KHDRBS3: variants seen among roughly 807,000 people sequenced by gnomAD.
The protein encoded by KHDRBS3 is KH RNA binding domain containing, signal transduction associated 3.
KHDRBS3 carries 23 observed loss-of-function variants against 45.6 expected under a neutral mutation model. The ratio of observed to expected loss-of-function variants is 0.50; its 90% CI spans 0.36 to 0.72. KHDRBS3 has a LOEUF of 0.72. Among genes scored for constraint, KHDRBS3 ranks in the 30% least tolerant of loss-of-function variants. The pLI, the probability that KHDRBS3 is intolerant of heterozygous loss-of-function variation, is 0.00. For synonymous variants in KHDRBS3, 162 were observed against 156.5 expected (o/e 1.04, Z -0.26); for missense variants, 352 against 424.8 (o/e 0.83, Z 1.51).
intron 1 of KHDRBS3, among the ~76,000 whole-genome samples, chr8:135,504,298 G>T (rs72732356): frequency 2.6e-4 from 39 of 152,296 alleles, no homozygotes; most frequent in Non-Finnish European, 5.0e-4. Flanking sequence ...GAGTGCCAAA[G>T]CAAAAACAGG....
chr8:135,542,412 A>G (rs1826088625), intron 2 of KHDRBS3: 9 of 414,346 alleles, frequency 2.2e-5, no homozygotes, highest in Admixed American at 4.1e-5. Context: ...CTTCATTCAC[A>G]GTTGTGGAAT....
rs1422083582 is a variant in KHDRBS3 at position 135,482,706 on chromosome 8, G to A, written c.88+24752G>A. On this transcript the variant is annotated intron_variant, in intron 1 of 8. Coordinates refer to ENST00000355849, the MANE Select transcript of KHDRBS3 (RefSeq NM_006558.3). Reference sequence around the variant, plus strand: ...CATTGTTTGGACAAGGGGTCTGATAGAATGGATATAAAATGGGCTCTGCAG... The same window carrying A: ...CATTGTTTGGACAAGGGGTCTGATAAAATGGATATAAAATGGGCTCTGCAG... Among the ~76,000 whole-genome samples, 3 of 152,150 alleles carry A rather than the reference G, an allele frequency of 2.0e-5. No individual in the cohort carries two copies. The East Asian group carries it at 5.8e-4, about 29-fold the overall frequency.
intron 1 of KHDRBS3, among the ~76,000 whole-genome samples, chr8:135,480,548 G>C (rs561162285): frequency 6.6e-6 from 1 of 152,200 alleles, no homozygotes; most frequent in South Asian, 2.1e-4. Context: ...GTAGAACCCT[G>C]TGTAAGTACC....
intron 7 of KHDRBS3, among the ~76,000 whole-genome samples, chr8:135,636,105 T>G (rs1754474401): frequency 6.6e-6 from 1 of 152,180 alleles, no homozygotes; most frequent in East Asian, 1.9e-4. Context: ...CAAGTCTGAG[T>G]AAGCCTAGTT....
intron 7 of KHDRBS3, among the ~76,000 whole-genome samples, chr8:135,634,620 G>T (rs1476213403): frequency 6.6e-6 from 1 of 152,146 alleles, no homozygotes; most frequent in African/African-American, 2.4e-5. Flanking sequence ...GGGAACTGAA[G>T]CTATTCCCAT....
chr8:135,484,467 T>C (rs1276844971), intron 1 of KHDRBS3, among the ~76,000 whole-genome samples: 1 of 152,250 alleles, frequency 6.6e-6, no homozygotes, highest in Non-Finnish European at 1.5e-5. Context: ...TTACAGAGCT[T>C]GCCTCCTGAG....
intron 1 of KHDRBS3, among the ~76,000 whole-genome samples, chr8:135,511,207 G>A (rs1294725796): frequency 6.6e-6 from 1 of 152,226 alleles, no homozygotes; most frequent in South Asian, 2.1e-4. Context: ...CTCTAGCTTA[G>A]TCACTGGATG....
chr8:135,467,027 G>A (rs1232796460), intron 1 of KHDRBS3, among the ~76,000 whole-genome samples: 1 of 152,162 alleles, frequency 6.6e-6, no homozygotes, highest in African/African-American at 2.4e-5. Flanking sequence ...TGCTTGAGGT[G>A]AGGGATACCC....
chr8:135,640,420 G>T (rs986003506), intron 7 of KHDRBS3, among the ~76,000 whole-genome samples: 1 of 152,070 alleles, frequency 6.6e-6, no homozygotes, highest in South Asian at 2.1e-4. Context: ...CCTTGCTCAG[G>T]GTTTGTGGTC....
chr8:135,512,050 G>A (rs1368280044), intron 1 of KHDRBS3, among the ~76,000 whole-genome samples: 1 of 152,148 alleles, frequency 6.6e-6, no homozygotes. Context: ...GGCACTGTAT[G>A]AATCAATCTA....
chr8:135,518,273 A>G (rs1288271500), intron 1 of KHDRBS3, among the ~76,000 whole-genome samples: 5 of 152,044 alleles, frequency 3.3e-5, no homozygotes, highest in Non-Finnish European at 5.9e-5. Context: ...TCCCGTGTTC[A>G]TGCCATTCTC....
chr8:135,518,088 C>T (rs767074533), intron 1 of KHDRBS3, among the ~76,000 whole-genome samples: 19 of 152,106 alleles, frequency 1.2e-4, no homozygotes, highest in South Asian at 2.1e-4. Context: ...CAAGGGAAAA[C>T]GTGTGGAATT....
At chr8:135,630,675 A>G (rs1309446093) in intron 7 of KHDRBS3, among the ~76,000 whole-genome samples, 1 of 152,198 alleles carries the variant, frequency 6.6e-6, no homozygotes, top group African/African-American at 2.4e-5. Context: ...AGACCTGGAC[A>G]GCATATCATT....
At chr8:135,465,058 C>T (rs1283747261) in intron 1 of KHDRBS3, among the ~76,000 whole-genome samples, 2 of 152,218 alleles carry the variant, frequency 1.3e-5, no homozygotes, top group African/African-American at 4.8e-5. Flanking sequence ...CATGGCAAAA[C>T]GGCATAGGAA....
intron 1 of KHDRBS3, among the ~76,000 whole-genome samples, chr8:135,500,251 G>C (rs969665691): frequency 6.6e-6 from 1 of 151,596 alleles, no homozygotes; most frequent in Non-Finnish European, 1.5e-5. Context: ...GGATTTGGTA[G>C]TTTGGTTCTT....
At chr8:135,509,776 C>G (rs147696576) in intron 1 of KHDRBS3, among the ~76,000 whole-genome samples, 156 of 152,170 alleles carry the variant, frequency 1.0e-3, no homozygotes, top group East Asian at 7.5e-3. Flanking sequence ...GTGACAAATG[C>G]TACACTGGTA....
At chr8:135,489,182 A>C (rs1422243823) in intron 1 of KHDRBS3, among the ~76,000 whole-genome samples, 18 of 152,072 alleles carry the variant, frequency 1.2e-4, no homozygotes, top group Non-Finnish European at 7.3e-5. Context: ...TGCCTTCCCC[A>C]ACTCCTTTCA....
intron 1 of KHDRBS3, among the ~76,000 whole-genome samples, chr8:135,494,305 G>T (rs1823314770): frequency 1.8e-5 from 2 of 108,922 alleles, no homozygotes; most frequent in Admixed American, 1.3e-4. Flanking sequence ...TTGAGACAGA[G>T]TCTCACTCTG....
intron 1 of KHDRBS3, among the ~76,000 whole-genome samples, chr8:135,490,931 A>G (rs1210385980): frequency 6.6e-6 from 1 of 152,232 alleles, no homozygotes; most frequent in Non-Finnish European, 1.5e-5. Flanking sequence ...TTCAGAAATC[A>G]GGAATTTTTA....
Sources: allele counts gnomAD v4.1 joint callset (sites outside exome capture counted in the v4.1 genomes callset), GRCh38; gene constraint gnomAD v4.1.1; transcripts MANE v1.5; gene names NCBI Gene and HGNC (gene_info 2026-07-23, HGNC 2026-07-21).